The following ZNF667 variants were observed in gnomAD, a reference collection of about 807,000 sequenced individuals.
The protein encoded by ZNF667 is myocardial ischemic preconditioning upregulated 1 ortholog.
A neutral mutation model predicts 31.8 loss-of-function variants in ZNF667; 13 were observed. The ratio of observed to expected loss-of-function variants is 0.41; its 90% CI spans 0.27 to 0.65. The LOEUF (loss-of-function observed/expected upper bound fraction) is 0.65. Ranked by LOEUF, ZNF667 falls within the 30% of genes least tolerant of loss-of-function variation. The pLI is 0.32. For synonymous variants in ZNF667, 228 were observed against 247.1 expected (o/e 0.92, Z 0.73); for missense variants, 642 against 725.6 (o/e 0.88, Z 1.32).
rs2042636307 is a variant in ZNF667, at chr19:56,442,629, C to CT, written c.365dup (p.Ser123GlufsTer13). 6.2e-7 allele frequency: 1 copy of CT among 1,613,786 alleles called. No homozygotes were observed. The highest frequency in any genetic ancestry group is 2.2e-5 in the East Asian group (1 of 44,886). On this transcript the variant is annotated frameshift_variant, in exon 7 of 7. Transcript: ENST00000504904. LOFTEE classifies it low-confidence loss of function (END_TRUNC). ...GGACTGAATTTTTGTTGCAGCCACT[C>CT]TTTCGTGTAGGAGCTTTTTGTTGTG... is the stretch of plus-strand genomic sequence containing the variant.
intron 3 of ZNF667, chr19:56,467,120 C>G (rs1360679114): frequency 2.2e-6 from 1 of 452,970 alleles, no homozygotes; most frequent in Non-Finnish European, 4.4e-6. Context: ...CAGGAGGGGC[C>G]TCTAATTAGC....
chr19:56,462,925 C>T (rs569837954), intron 3 of ZNF667, among the ~76,000 whole-genome samples: 7 of 152,260 alleles, frequency 4.6e-5, no homozygotes, highest in African/African-American at 1.7e-4. Flanking sequence ...GAGGAGGTCA[C>T]ATTGAGCTGA....
chr19:56,464,264 C>CA (rs2043111517), intron 3 of ZNF667, among the ~76,000 whole-genome samples: 1 of 152,186 alleles, frequency 6.6e-6, no homozygotes, highest in South Asian at 2.1e-4. Context: ...GAGGCTGATG[C>CA]AGGAGGATCA....
intron 3 of ZNF667, among the ~76,000 whole-genome samples, chr19:56,470,995 C>A (rs1568455757): frequency 6.6e-6 from 1 of 152,134 alleles, no homozygotes; most frequent in Admixed American, 6.5e-5. Context: ...CCATCCAAAT[C>A]CCATGTTTAA....
In ZNF667 at chr19:56,441,809, T is replaced by A; in HGVS notation, c.1186A>T (p.Asn396Tyr). 5.0e-6 allele frequency: 8 copies of A among 1,614,110 alleles called. No homozygotes were observed. The highest frequency in any genetic ancestry group is 5.9e-6 in the Non-Finnish European group (7 of 1,180,006). ...TGTTGAATAAGGGATGAATGCCGAT[T>A]GCAGACCTTCTCACATTTATTGCAT... ...YRCNKCEKVC[N>Y]RHSSLIQHQK... Residue 396 changes from asparagine (N) to tyrosine (Y), a missense_variant, in exon 7 of 7, where the codon AAT becomes TAT. Physicochemically the swap from Asn to Tyr is moderately radical, Grantham distance 143. Transcript: ENST00000504904. The surrounding 1 kb of genome is among the most constrained non-coding windows in gnomAD (Gnocchi z 4.2).
At chr19:56,467,202 G>C (rs1159200517) in intron 3 of ZNF667, 1 of 364,944 alleles carries the variant, frequency 2.7e-6, no homozygotes, top group African/African-American at 2.1e-5. Flanking sequence ...TGGGGTGGGG[G>C]GGAAATGAGG....
intron 3 of ZNF667, chr19:56,469,826 TTAAG>T (rs1372338684): frequency 1.2e-5 from 5 of 424,166 alleles, no homozygotes; most frequent in East Asian, 1.4e-4. Context: ...CGGAAAGGGC[TTAAG>T]TGTTTGCTAA....
In ZNF667 at chr19:56,462,350, T is replaced by A; in HGVS notation, c.21A>T (p.Lys7Asn). 1 of 1,614,160 alleles carries A rather than the reference T, an allele frequency of 6.2e-7. No individual in the cohort carries two copies. The highest frequency in any genetic ancestry group is 8.5e-7 in the Non-Finnish European group (1 of 1,180,028). The change falls in exon 4 of 7, where the codon AAA (lysine) becomes AAT (asparagine). Residue 7 changes from lysine to asparagine, a missense_variant. Coordinates refer to ENST00000504904, the MANE Select transcript of ZNF667 (RefSeq NM_001321356.2). ...AATTGCCACTTACCTTGGATTTGGA[T>A]TTCCCCCGTGCAGAAGGCATCCTTT... MPSARG[K>N]SKSKAPITFG...
At chr19:56,474,752 A>C (rs1318299466) in intron 1 of ZNF667, 1 of 152,274 alleles carries the variant, frequency 6.6e-6, no homozygotes, top group African/African-American at 2.4e-5. Flanking sequence ...TTTCTAATAA[A>C]TAGTCACAGC....
Position 56,441,277 on chromosome 19 carries a change from TGTCGAATAAG to T in ZNF667, c.1708_1717del (p.Leu570IlefsTer26), listed in dbSNP as rs761803424. The stretch of plus-strand genomic sequence containing the variant: ...TTTCTCTGAAGAATGACTTCTCTGA[TGTCGAATAAG>T]GTCTGAGCCACTGCTAAATGCCTTC... On this transcript the variant is annotated frameshift_variant, in exon 7 of 7. Transcript: ENST00000504904. LOFTEE classifies it high-confidence loss of function. This position sits in a 1 kb window ranked among gnomAD's most constrained non-coding sequence, Gnocchi z 4.2. 6.8e-5 allele frequency: 109 copies of T among 1,614,070 alleles called. No homozygotes were observed. Among genetic ancestry groups the T allele is most frequent in the Non-Finnish European group, 8.9e-5 (105 of 1,180,004 alleles).
chr19:56,458,290 A>C, intron 5 of ZNF667, 43 bp from the exon 6 acceptor site: 1 of 1,572,874 alleles, frequency 6.4e-7, no homozygotes, highest in Non-Finnish European at 8.7e-7. Context: ...AAATGTGGGC[A>C]CCACAGAAGT....
chr19:56,451,096 C>T (rs1197269960), intron 6 of ZNF667, among the ~76,000 whole-genome samples: 2 of 151,460 alleles, frequency 1.3e-5, no homozygotes, highest in African/African-American at 4.9e-5. Flanking sequence ...ACATGATTTG[C>T]CTATAAAGAC....
At chr19:56,447,738 G>A (rs551520312) in intron 6 of ZNF667, among the ~76,000 whole-genome samples, 6 of 152,130 alleles carry the variant, frequency 3.9e-5, no homozygotes, top group East Asian at 1.9e-4. Flanking sequence ...AAAATTAGCT[G>A]GGTATGGTGA....
intron 1 of ZNF667, chr19:56,475,600 A>G (rs1376305235): frequency 6.6e-6 from 1 of 152,170 alleles, no homozygotes; most frequent in Non-Finnish European, 1.5e-5. Context: ...ACAACATCCT[A>G]TAATACATAG....
rs776220133 is a variant in ZNF667 at position 56,442,103 on chromosome 19, C to A, written c.892G>T (p.Val298Leu). ...RGFKKKSVFV[V>L]HKRIHAGEKI... Reference sequence around the variant, plus strand: ...TCTCCAGCATGAATTCTTTTATGTACAACAAAGACTGATTTCTTTTTGAAG... The same window carrying A: ...TCTCCAGCATGAATTCTTTTATGTAAAACAAAGACTGATTTCTTTTTGAAG... The change falls in exon 7 of 7, where the codon GTA becomes TTA. Residue 298 changes from valine to leucine, a missense_variant. Transcript: ENST00000504904. 1 of 1,613,788 alleles carries A rather than the reference C, an allele frequency of 6.2e-7. No individual in the cohort carries two copies. The highest frequency in any genetic ancestry group is 8.5e-7 in the Non-Finnish European group (1 of 1,179,926).
rs190767857 is a variant in ZNF667 at position 56,462,989 on chromosome 19, G to T, written c.-59-560C>A. Among the ~76,000 whole-genome samples the T allele has an allele frequency of 3.2e-3, 481 of 152,192 alleles. 5 individuals are homozygous for T. Among genetic ancestry groups the T allele is most frequent in the African/African-American group, 0.011 (463 of 41,524 alleles). ...GGGTGCTAGGGGAAGAGCATTCCAGGTAGAGGCACAGCAGGTGTCAGCGTC... is the reference window on the plus strand; with the variant it reads ...GGGTGCTAGGGGAAGAGCATTCCAGTTAGAGGCACAGCAGGTGTCAGCGTC... On this transcript the variant is annotated intron_variant, in intron 3 of 6. Coordinates refer to ENST00000504904, the MANE Select transcript of ZNF667 (RefSeq NM_001321356.2).
rs757129666 is a variant in ZNF667, at chr19:56,442,295, A to G, written c.700T>C (p.Leu234=). 7 of 1,614,112 alleles carry G rather than the reference A, an allele frequency of 4.3e-6. No individual in the cohort carries two copies. Among genetic ancestry groups the G allele is most frequent in the Non-Finnish European group, 5.1e-6 (6 of 1,180,000 alleles). ...ATATTGAAAGACTGACATTGACTCAAGGCCTTCCCACAGTCAAGAATTTCC... is the reference window on the plus strand; with the variant it reads ...ATATTGAAAGACTGACATTGACTCAGGGCCTTCCCACAGTCAAGAATTTCC... ...GKEILDCGKA[L]SQCQSFNIHQ... Residue 234 remains leucine (L), a synonymous_variant, in exon 7 of 7, where the codon TTG becomes CTG. Coordinates refer to ENST00000504904, the MANE Select transcript of ZNF667 (RefSeq NM_001321356.2).
At chr19:56,460,553 A>G in intron 5 of ZNF667, 136 bp downstream of exon 5, 1 of 947,414 alleles carries the variant, frequency 1.1e-6, no homozygotes, top group Non-Finnish European at 1.5e-6. Context: ...GGTGAATTGT[A>G]TAGTATGTGA....
At chr19:56,446,992 C>T (rs2042723063) in intron 6 of ZNF667, among the ~76,000 whole-genome samples, 1 of 152,028 alleles carries the variant, frequency 6.6e-6, no homozygotes, top group African/African-American at 2.4e-5. Context: ...TTAAACCACA[C>T]CAGACACCAA....
Sources: allele counts gnomAD v4.1 joint callset (sites outside exome capture counted in the v4.1 genomes callset), GRCh38; gene constraint gnomAD v4.1.1; non-coding constraint Gnocchi (gnomAD v3.1); transcripts MANE v1.5; gene names NCBI Gene and HGNC (gene_info 2026-07-23, HGNC 2026-07-21).